The following SGCZ variants were observed in gnomAD, a reference collection of about 807,000 sequenced individuals.
SGCZ encodes sarcoglycan zeta, also known as zeta-sarcoglycan.
A neutral mutation model predicts 41.3 loss-of-function variants in SGCZ; 40 were observed. The observed-to-expected ratio is 0.97, with a 90% confidence interval of 0.75 to 1.26. SGCZ has a LOEUF of 1.26. SGCZ is among the 50% of genes most tolerant of loss of function. The pLI is 0.00. For missense variants in SGCZ, 552 were observed against 369.8 expected, an observed-to-expected ratio of 1.49 and a Z score of -4.04; for synonymous variants, 206 against 137.5, an observed-to-expected ratio of 1.50 and a Z score of -3.49.
intron 4 of SGCZ, among the ~76,000 whole-genome samples, chr8:14,204,042 T>G (rs540824529): frequency 1.3e-5 from 2 of 152,032 alleles, no homozygotes; most frequent in Admixed American, 1.3e-4. Flanking sequence ...GACAGCCTGG[T>G]GCATGTTGGA....
At chr8:14,367,292 G>T (rs1002243065) in intron 2 of SGCZ, among the ~76,000 whole-genome samples, 6 of 151,946 alleles carry the variant, frequency 3.9e-5, no homozygotes, top group Non-Finnish European at 7.4e-5. Context: ...TTAGCATTTT[G>T]GTCAAAGCCA....
intron 1 of SGCZ, among the ~76,000 whole-genome samples, chr8:14,881,824 T>C (rs1804601463): frequency 1.3e-5 from 2 of 152,298 alleles, no homozygotes; most frequent in African/African-American, 4.8e-5. Flanking sequence ...GATCACGCAA[T>C]TGGAAGTAAA....
intron 1 of SGCZ, among the ~76,000 whole-genome samples, chr8:14,918,041 A>G (rs138337359): frequency 7.9e-4 from 121 of 152,276 alleles, no homozygotes; most frequent in African/African-American, 2.8e-3. Context: ...TGGCAAGTAT[A>G]GAGATAGTAG....
At chr8:14,751,784 G>A (rs947620161) in intron 1 of SGCZ, among the ~76,000 whole-genome samples, 3 of 148,046 alleles carry the variant, frequency 2.0e-5, no homozygotes, top group South Asian at 2.2e-4. Context: ...TCCTGACCTC[G>A]TGATCTGCCC....
intron 5 of SGCZ, among the ~76,000 whole-genome samples, chr8:14,163,918 T>A (rs553020593): frequency 3.5e-4 from 53 of 152,170 alleles, no homozygotes; most frequent in Non-Finnish European, 5.3e-4. Flanking sequence ...TTGTTAAATG[T>A]GTTATCAAAA....
At chr8:15,129,625 G>A (rs1275972882) in intron 1 of SGCZ, among the ~76,000 whole-genome samples, 1 of 147,356 alleles carries the variant, frequency 6.8e-6, no homozygotes, top group Non-Finnish European at 1.5e-5. Context: ...AGCCATGCAT[G>A]GGAACAGCAT....
At chr8:14,327,932 T>C (rs1408047396) in intron 2 of SGCZ, among the ~76,000 whole-genome samples, 2 of 152,106 alleles carry the variant, frequency 1.3e-5, no homozygotes, top group African/African-American at 2.4e-5. Flanking sequence ...AGGTGTGCAC[T>C]GCCACGCCCA....
chr8:14,102,789 C>CCTCAGAATGCTCATGAAAAGTAGGGTGTG, intron 6 of SGCZ, among the ~76,000 whole-genome samples: 1 of 152,082 alleles, frequency 6.6e-6, no homozygotes, highest in East Asian at 1.9e-4. Flanking sequence ...TGTTGTTTCC[C>CCTCAGAATGCTCATGAAAAGTAGGGTGTG]CTCAGAATGC....
chr8:14,854,787 T>C lies in SGCZ; in HGVS notation c.40-299861A>G, dbSNP rs1803483746. The stretch of plus-strand genomic sequence containing the variant: ...TTTTCATAGAGAGGAAAGGAGAGAG[T>C]AGGTCAATTGGGATCAGTCTCCCAG... On this transcript the variant is annotated intron_variant, in intron 1 of 7. Coordinates refer to ENST00000382080, the MANE Select transcript of SGCZ (RefSeq NM_139167.4). Among the ~76,000 whole-genome samples, 3 of 151,890 alleles carry C rather than the reference T, an allele frequency of 2.0e-5. No individual in the cohort carries two copies. In the South Asian group the frequency reaches 6.3e-4, roughly 32 times the overall value.
chr8:14,388,370 C>T (rs776930447), intron 2 of SGCZ, among the ~76,000 whole-genome samples: 50 of 151,984 alleles, frequency 3.3e-4, no homozygotes, highest in Non-Finnish European at 6.8e-4. Flanking sequence ...TCAACAATGC[C>T]TGTGACTCAA....
At chr8:14,176,529 G>C (rs540926130) in intron 4 of SGCZ, among the ~76,000 whole-genome samples, 2 of 152,280 alleles carry the variant, frequency 1.3e-5, no homozygotes, top group East Asian at 3.9e-4. Context: ...GTCCTCAAAT[G>C]ACTGTATTAG....
intron 1 of SGCZ, among the ~76,000 whole-genome samples, chr8:14,897,467 C>T (rs374238612): frequency 5.3e-5 from 8 of 152,090 alleles, no homozygotes; most frequent in South Asian, 2.1e-4. Flanking sequence ...TAGTTCTGGA[C>T]GGTTTGGCTC....
chr8:14,862,587 C>A (rs761609995), intron 1 of SGCZ, among the ~76,000 whole-genome samples: 1 of 129,174 alleles, frequency 7.7e-6, no homozygotes, highest in Non-Finnish European at 1.6e-5. Context: ...TATATACACA[C>A]ACAATTGCAA....
intron 3 of SGCZ, among the ~76,000 whole-genome samples, chr8:14,257,112 T>C (rs184562402): frequency 2.2e-3 from 340 of 152,162 alleles, no homozygotes; most frequent in African/African-American, 7.9e-3. Context: ...ACAGATTGCT[T>C]TAATCCACGA....
At chr8:15,041,710 A>C (rs1804102478) in intron 1 of SGCZ, among the ~76,000 whole-genome samples, 1 of 143,082 alleles carries the variant, frequency 7.0e-6, no homozygotes, top group African/African-American at 2.5e-5. Flanking sequence ...ACACACATAT[A>C]CATGCACAAA....
intron 1 of SGCZ, among the ~76,000 whole-genome samples, chr8:15,105,911 A>C (rs1195786298): frequency 1.3e-5 from 2 of 150,680 alleles, no homozygotes; most frequent in African/African-American, 4.8e-5. Flanking sequence ...AAAAGAGCCA[A>C]TTCTTCCCCT....
intron 2 of SGCZ, among the ~76,000 whole-genome samples, chr8:14,407,065 CTTTTTTTTTTTTT>C (rs67046431): frequency 3.4e-5 from 3 of 87,188 alleles, no homozygotes; most frequent in Non-Finnish European, 6.7e-5. Flanking sequence ...ATGAGTTTTC[CTTTTTTTTTTTTT>C]TTTTTTTTTG....
intron 1 of SGCZ, among the ~76,000 whole-genome samples, chr8:15,072,033 G>T (rs1378037): frequency 1 from 151,883 of 152,220 alleles, 75,774 homozygotes; most frequent in East Asian, 1. Flanking sequence ...CCCCAGCATC[G>T]GAAGTCTGCT....
chr8:14,934,082 T>C (rs1350352403), intron 1 of SGCZ, among the ~76,000 whole-genome samples: 4 of 152,040 alleles, frequency 2.6e-5, no homozygotes, highest in Non-Finnish European at 4.4e-5. Context: ...CAATAATTTA[T>C]ACTAAATATT....
Sources: allele counts gnomAD v4.1 joint callset (sites outside exome capture counted in the v4.1 genomes callset), GRCh38; gene constraint gnomAD v4.1.1; transcripts MANE v1.5; gene names NCBI Gene and HGNC (gene_info 2026-07-23, HGNC 2026-07-21).